PAM: variants seen among roughly 807,000 people sequenced by gnomAD.
PAM encodes the protein peptidylglycine alpha-amidating monooxygenase.
PAM carries 72 observed loss-of-function variants against 122.1 expected under a neutral mutation model. That is an observed-to-expected ratio of 0.59 (90% confidence interval 0.49 to 0.72). The LOEUF is 0.72. Among genes scored for constraint, PAM ranks in the 30% least tolerant of loss-of-function variants. PAM has a pLI of 0.00. For missense variants in PAM, 1,106 were observed against 1,183.7 expected (o/e 0.93, Z 0.96); for synonymous variants, 389 against 404.4 (o/e 0.96, Z 0.46).
At chr5:102,943,799 G>A (rs1756082595) in intron 7 of PAM, among the ~76,000 whole-genome samples, 1 of 152,080 alleles carries the variant, frequency 6.6e-6, no homozygotes, top group African/African-American at 2.4e-5. Context: ...AAATAATTCG[G>A]CATGGTTATA....
chr5:102,950,717 G>A lies in PAM; in HGVS notation c.802G>A (p.Ala268Thr). 1 of 1,585,550 alleles carries A rather than the reference G, an allele frequency of 6.3e-7. No homozygotes were observed. The highest frequency in any genetic ancestry group is 1.1e-5 in the South Asian group (1 of 90,122). Residue 268 changes from alanine (A) to threonine (T), a missense_variant and splice_region_variant, in exon 12 of 26, where the codon GCT (alanine) becomes ACT (threonine). By Grantham distance (58) the Ala-to-Thr change is moderately conservative. Around this residue, in one of 3 missense-constraint regions of PAM, gnomAD observed 670 missense variants for 690.3 expected, o/e 0.97. Transcript: ENST00000438793. ...TTCATTGTGTTTGTCTTTTTGGTAG[G>A]CTTTCTACCCTGTGGGGCATCCAGT... ...IGRQSPQLPQ[A>T]FYPVGHPVDV...
intron 1 of PAM, among the ~76,000 whole-genome samples, chr5:102,790,751 T>A (rs1362616738): frequency 4.6e-5 from 7 of 152,128 alleles, no homozygotes; most frequent in Non-Finnish European, 8.8e-5. Flanking sequence ...AGAAGTCACA[T>A]AATTTTATTT....
chr5:102,981,832 C>T (rs1769989052), intron 15 of PAM, among the ~76,000 whole-genome samples: 1 of 152,174 alleles, frequency 6.6e-6, no homozygotes, highest in Non-Finnish European at 1.5e-5. Flanking sequence ...ATTCAAGCAA[C>T]TTTGAAATCA....
intron 1 of PAM, among the ~76,000 whole-genome samples, chr5:102,755,635 G>A (rs893652478): frequency 3.3e-5 from 5 of 151,954 alleles, no homozygotes; most frequent in Non-Finnish European, 7.4e-5. Context: ...AGTTTGTGAG[G>A]GGTCGTCCTC....
At chr5:102,918,146 A>C (rs927413553) in intron 5 of PAM, among the ~76,000 whole-genome samples, 8 of 152,156 alleles carry the variant, frequency 5.3e-5, no homozygotes, top group Non-Finnish European at 1.2e-4. Flanking sequence ...GATGGAAAAG[A>C]AGCAGCTCTG....
At chr5:102,836,858 CCGAGAG>C (rs1777189606) in intron 1 of PAM, among the ~76,000 whole-genome samples, 1 of 50,036 alleles carries the variant, frequency 2.0e-5, no homozygotes, top group African/African-American at 1.1e-4. Flanking sequence ...AAGAAAGAAA[CCGAGAG>C]AGAGAGAGAG....
At chr5:102,932,833 A>G (rs1752043034) in intron 7 of PAM, among the ~76,000 whole-genome samples, 1 of 152,066 alleles carries the variant, frequency 6.6e-6, no homozygotes, top group African/African-American at 2.4e-5. Context: ...GTGAATATCA[A>G]TGATTGTGCT....
At chr5:102,793,539 CA>C (rs1762594241) in intron 1 of PAM, among the ~76,000 whole-genome samples, 1 of 152,060 alleles carries the variant, frequency 6.6e-6, no homozygotes, top group African/African-American at 2.4e-5. Flanking sequence ...CAAAACAAAA[CA>C]ACAACCAAAG....
chr5:103,005,439 A>C (rs1245177269), intron 18 of PAM, among the ~76,000 whole-genome samples: 1 of 152,200 alleles, frequency 6.6e-6, no homozygotes, highest in Non-Finnish European at 1.5e-5. Flanking sequence ...TTTGTTTCTC[A>C]CAGGTCTGGA....
At chr5:102,881,676 A>C (rs1791134372) in intron 3 of PAM, among the ~76,000 whole-genome samples, 1 of 150,170 alleles carries the variant, frequency 6.7e-6, no homozygotes, top group South Asian at 2.1e-4. Context: ...CATGTGCAAA[A>C]GTGTGATCCT....
intron 4 of PAM, among the ~76,000 whole-genome samples, chr5:102,908,650 T>C (rs946384353): frequency 2.6e-5 from 4 of 151,432 alleles, no homozygotes; most frequent in Admixed American, 6.6e-5. Flanking sequence ...CGCACCAGCA[T>C]GGCACATGTA....
At chr5:102,892,545 A>G (rs1400968486) in intron 3 of PAM, among the ~76,000 whole-genome samples, 1 of 151,828 alleles carries the variant, frequency 6.6e-6, no homozygotes, top group Non-Finnish European at 1.5e-5. Flanking sequence ...ATATGTCCCG[A>G]TGACTGTATG....
At position 102,868,735 on chromosome 5, in the gene PAM, TATC is replaced by T. The variant is rs1413272532; in HGVS notation, c.210+1345_210+1347del. ...TTCAAGCACTCTTTCCCCACAAGAA[TATC>T]ATTATTTTATCAAATAGTCTTTTGT... On this transcript the variant is annotated intron_variant, in intron 3 of 25. Coordinates refer to ENST00000438793, the MANE Select transcript of PAM (RefSeq NM_001177306.2). 3.9e-5 allele frequency among the ~76,000 whole-genome samples: 6 copies of T among 152,308 alleles called. No individual in the cohort carries two copies. The East Asian group carries it at 1.2e-3, about 29-fold the overall frequency.
intron 3 of PAM, among the ~76,000 whole-genome samples, chr5:102,868,718 C>CAAGA: frequency 6.6e-6 from 1 of 152,266 alleles, no homozygotes; most frequent in African/African-American, 2.4e-5. Flanking sequence ...TTTTCAAGCA[C>CAAGA]TCTTTCCCCA....
At chr5:102,920,202 A>G (rs1477827801) in intron 5 of PAM, among the ~76,000 whole-genome samples, 1 of 152,066 alleles carries the variant, frequency 6.6e-6, no homozygotes, top group Non-Finnish European at 1.5e-5. Context: ...TTGGGCCATC[A>G]TGAAGGGTAG....
At chr5:102,908,716 A>T (rs1800439773) in intron 4 of PAM, among the ~76,000 whole-genome samples, 1 of 151,664 alleles carries the variant, frequency 6.6e-6, no homozygotes, top group South Asian at 2.1e-4. Flanking sequence ...TTAAAGTATA[A>T]TAATAAAAGA....
At chr5:102,761,055 T>G (rs1752195060) in intron 1 of PAM, among the ~76,000 whole-genome samples, 1 of 152,112 alleles carries the variant, frequency 6.6e-6, no homozygotes, top group Non-Finnish European at 1.5e-5. Context: ...ATGTTAACAG[T>G]GAGGGTCTGG....
At chr5:102,817,592 G>A (rs763111508) in intron 1 of PAM, among the ~76,000 whole-genome samples, 1 of 152,030 alleles carries the variant, frequency 6.6e-6, no homozygotes, top group Non-Finnish European at 1.5e-5. Context: ...AAAATTAAAT[G>A]TATGGTTCAC....
chr5:102,885,087 A>G (rs1792557727), intron 3 of PAM, among the ~76,000 whole-genome samples: 1 of 150,550 alleles, frequency 6.6e-6, no homozygotes, highest in Non-Finnish European at 1.5e-5. Context: ...ATAACTATAT[A>G]TATATATAAC....
Sources: allele counts gnomAD v4.1 joint callset (sites outside exome capture counted in the v4.1 genomes callset), GRCh38; gene constraint gnomAD v4.1.1; regional missense constraint gnomAD v4.1.1; transcripts MANE v1.5; gene names NCBI Gene and HGNC (gene_info 2026-07-23, HGNC 2026-07-21).